PRMT2: variants seen among roughly 807,000 people sequenced by gnomAD.
PRMT2 encodes protein arginine methyltransferase 2.
A neutral mutation model predicts 57.6 loss-of-function variants in PRMT2; 26 were observed. That is an observed-to-expected ratio of 0.45 (90% CI 0.33 to 0.63). The LOEUF (loss-of-function observed/expected upper bound fraction) is 0.63. Ranked by LOEUF, PRMT2 falls within the 20% of genes least tolerant of loss-of-function variation. The pLI is 0.02. For missense variants in PRMT2, 472 were observed against 564.4 expected, an observed-to-expected ratio of 0.84 and a Z score of 1.66; for synonymous variants, 219 against 220.0, an observed-to-expected ratio of 1.00 and a Z score of 0.04.
In PRMT2 at chr21:46,644,531, G is replaced by T. The variant is rs764870118; in HGVS notation, c.327+43G>T. 2.6e-6 allele frequency: 4 copies of T among 1,534,450 alleles called. No individual in the cohort carries two copies. In the African/African-American group the frequency reaches 5.6e-5, roughly 21 times the overall value. The stretch of plus-strand genomic sequence containing the variant: ...CCCTGTTCAGCTGGCCAGGCGGTGG[G>T]TTCTCTCTAGCTTTAGTTCTACTGC... On this transcript the variant is annotated intron_variant, in intron 5 of 11. Coordinates refer to ENST00000355680, the MANE Select transcript of PRMT2 (RefSeq NM_206962.4).
intron 3 of PRMT2, among the ~76,000 whole-genome samples, chr21:46,640,376 T>G (rs2061250202): frequency 6.6e-6 from 1 of 152,096 alleles, no homozygotes; most frequent in African/African-American, 2.4e-5. Flanking sequence ...ACCTGACAAC[T>G]TTATGTTTAT....
intron 3 of PRMT2, among the ~76,000 whole-genome samples, chr21:46,640,438 A>ATTTT (rs61531632): frequency 3.4e-5 from 4 of 116,466 alleles, no homozygotes; most frequent in Admixed American, 1.7e-4. Flanking sequence ...TTTTGCCTAC[A>ATTTT]TTTTTTTTTT....
Position 46,643,562 on chromosome 21 carries a change from G to T in PRMT2, c.67G>T (p.Ala23Ser). The change falls in exon 4 of 12, where the codon GCC becomes TCC. Residue 23 changes from alanine (A) to serine (S), a missense_variant. Coordinates refer to ENST00000355680, the MANE Select transcript of PRMT2 (RefSeq NM_206962.4). Reference protein sequence around the residue: ...QGEEPAECSEAGLLQEGVQPE... With the variant: ...QGEEPAECSESGLLQEGVQPE... Reference sequence around the variant, plus strand: ...AGAAGAGCCTGCTGAGTGCAGTGAGGCCGGTCTCCTGCAGGAGGGAGTACA... The same window carrying T: ...AGAAGAGCCTGCTGAGTGCAGTGAGTCCGGTCTCCTGCAGGAGGGAGTACA... The T allele has an allele frequency of 6.2e-7, 1 of 1,608,884 alleles. No individual in the cohort carries two copies. The highest frequency in any genetic ancestry group is 2.3e-5 in the East Asian group (1 of 44,440).
At chr21:46,664,238 G>A (rs917432258) in intron 11 of PRMT2, 57 bp from the exon 12 acceptor site, 3 of 1,390,282 alleles carry the variant, frequency 2.2e-6, no homozygotes, top group African/African-American at 2.8e-5. Context: ...AGGAAATGTA[G>A]TATGTTAATC....
chr21:46,652,965 C>T (rs1437366418), intron 7 of PRMT2: 1 of 1,253,354 alleles, frequency 8.0e-7, no homozygotes, highest in Non-Finnish European at 1.0e-6. Context: ...CCTCCTGGAC[C>T]TTTCAGGACG....
chr21:46,649,403 G>T lies in PRMT2; in HGVS notation c.490-172G>T. On this transcript the variant is annotated intron_variant, in intron 6 of 11. Coordinates refer to ENST00000355680, the MANE Select transcript of PRMT2 (RefSeq NM_206962.4). This position sits in a 1 kb window ranked among gnomAD's most constrained non-coding sequence, Gnocchi z 4.8. ...GGAGGGTTAGAGGCGGCTCCTTTCT[G>T]GGTGCCCCTGGAGGGGCAGGTGTGG... The T allele has an allele frequency of 1.0e-6, 1 of 992,964 alleles. No homozygotes were observed. 61.5% of individuals were successfully genotyped at this position (992,964 alleles called of 1,614,324 possible).
rs146768102 is a variant in PRMT2 at position 46,651,835 on chromosome 21, C to A, written c.654+2096C>A. 5.4e-4 allele frequency: 868 copies of A among 1,612,836 alleles called. 7 individuals carry two copies. The East Asian group carries it at 0.016, about 30-fold the overall frequency. On this transcript the variant is annotated intron_variant, in intron 7 of 11. Coordinates refer to ENST00000355680, the MANE Select transcript of PRMT2 (RefSeq NM_206962.4). ...CGCCTCTCCTGAGCTGCCGCATTCT[C>A]CCCTGCACCTGTGCGTCTGGCCCTC...
At chr21:46,647,064 A>G (rs1393628270) in intron 5 of PRMT2, among the ~76,000 whole-genome samples, 1 of 152,192 alleles carries the variant, frequency 6.6e-6, no homozygotes, top group Non-Finnish European at 1.5e-5. Flanking sequence ...ATTTTTGGAG[A>G]CATTTCAGAC....
At chr21:46,646,971 C>G (rs1601929408) in intron 5 of PRMT2, among the ~76,000 whole-genome samples, 1 of 152,338 alleles carries the variant, frequency 6.6e-6, no homozygotes, top group Admixed American at 6.5e-5. Context: ...GGGAGCACCT[C>G]TTTCACCACA....
At chr21:46,644,618 C>T (rs2061333609) in intron 5 of PRMT2, 130 bp downstream of exon 5, 2 of 881,370 alleles carry the variant, frequency 2.3e-6, no homozygotes, top group Admixed American at 3.5e-5. Flanking sequence ...CCACTCAGCT[C>T]TGACATGGTT....
chr21:46,654,637 A>G (rs2061514363), intron 7 of PRMT2, among the ~76,000 whole-genome samples: 1 of 152,264 alleles, frequency 6.6e-6, no homozygotes, highest in South Asian at 2.1e-4. Context: ...ATAACAATAC[A>G]ACAATAAACA....
intron 7 of PRMT2, among the ~76,000 whole-genome samples, chr21:46,651,550 G>A (rs533047880): frequency 6.6e-6 from 1 of 152,204 alleles, no homozygotes; most frequent in Admixed American, 6.5e-5. Context: ...CTCCAGTGCA[G>A]GCAGTGGAGG....
intron 7 of PRMT2, chr21:46,652,287 T>A: frequency 7.7e-7 from 1 of 1,299,618 alleles, no homozygotes; most frequent in Admixed American, 3.5e-5. Flanking sequence ...AAGTTCATAA[T>A]GAAGCTGTCA....
rs1373377003 is a variant in PRMT2, at chr21:46,649,523, G to C, written c.490-52G>C. On this transcript the variant is annotated intron_variant, in intron 6 of 11. Coordinates refer to ENST00000355680, the MANE Select transcript of PRMT2 (RefSeq NM_206962.4). The surrounding 1 kb of genome is among the most constrained non-coding windows in gnomAD (Gnocchi z 4.8). Reference sequence around the variant, plus strand: ...CTGGTTGTGACTCAGGAGAGTAGATGACGGGCCGTGTGCCGGCCGGATGTA... The same window carrying C: ...CTGGTTGTGACTCAGGAGAGTAGATCACGGGCCGTGTGCCGGCCGGATGTA... The C allele has an allele frequency of 6.2e-7, 1 of 1,612,680 alleles. No individual in the cohort carries two copies. Among genetic ancestry groups the C allele is most frequent in the South Asian group, 1.1e-5 (1 of 90,964 alleles).
rs147527102 is a variant in PRMT2, at chr21:46,646,928, T to C, written c.328-1530T>C. 1.1e-4 allele frequency among the ~76,000 whole-genome samples: 17 copies of C among 152,346 alleles called. No individual in the cohort carries two copies. In the East Asian group the frequency reaches 3.1e-3, roughly 28 times the overall value. The stretch of plus-strand genomic sequence containing the variant: ...CATTGGTGTCCAAGATGGCGCCTCA[T>C]GGCTGTCCTCACGTGGTGAAGGCGG... On this transcript the variant is annotated intron_variant, in intron 5 of 11. Coordinates refer to ENST00000355680, the MANE Select transcript of PRMT2 (RefSeq NM_206962.4).
In PRMT2 at chr21:46,648,527, A is replaced by G; in HGVS notation, c.397A>G (p.Lys133Glu). 1 of 1,614,216 alleles carries G rather than the reference A, an allele frequency of 6.2e-7. No individual in the cohort carries two copies. The highest frequency in any genetic ancestry group is 8.5e-7 in the Non-Finnish European group (1 of 1,180,014). ...ATACCACAGTGTCATCCTGCAGAAT[A>G]AAGAATCCCTGACGGATAAAGTCAT... ...TKYHSVILQN[K>E]ESLTDKVILD... Residue 133 changes from lysine to glutamate, a missense_variant, in exon 6 of 12, where the codon AAA (lysine) becomes GAA (glutamate). By Grantham distance (56) the Lys-to-Glu change is moderately conservative. Transcript: ENST00000355680. This position sits in a 1 kb window ranked among gnomAD's most constrained non-coding sequence, Gnocchi z 4.8.
intron 7 of PRMT2, chr21:46,653,274 T>C: frequency 3.0e-6 from 3 of 985,402 alleles, no homozygotes; most frequent in Non-Finnish European, 3.6e-6. Flanking sequence ...ATCCTGAGCT[T>C]AACGAAAGTC....
Position 46,636,884 on chromosome 21 carries a change from TTTTAA to T in PRMT2, c.-56-11_-56-7del, listed in dbSNP as rs1181344365. 3 of 1,534,780 alleles carry T rather than the reference TTTTAA, an allele frequency of 2.0e-6. No homozygotes were observed. Among genetic ancestry groups the T allele is most frequent in the Non-Finnish European group, 2.7e-6 (3 of 1,124,324 alleles). The stretch of plus-strand genomic sequence containing the variant: ...ACAAGTACTTTGTGTCTCCTTCTCT[TTTTAA>T]AAGTAGAAATGGAAAAGAAAATGAA... On this transcript the variant is annotated splice_polypyrimidine_tract_variant and splice_region_variant and intron_variant, in intron 2 of 11. Coordinates refer to ENST00000355680, the MANE Select transcript of PRMT2 (RefSeq NM_206962.4).
At chr21:46,653,630 G>A in intron 7 of PRMT2, 1 of 1,200,310 alleles carries the variant, frequency 8.3e-7, no homozygotes, top group East Asian at 6.3e-5. Flanking sequence ...CATGTTTTAT[G>A]CCTTGATATT....
Sources: gnomAD v4.1 joint callset for allele counts (sites outside exome capture counted in the v4.1 genomes callset) on GRCh38, gnomAD v4.1.1 for gene constraint, Gnocchi (gnomAD v3.1) non-coding constraint, MANE v1.5 for transcripts, NCBI Gene and HGNC (gene_info 2026-07-23, HGNC 2026-07-21) for gene names.